Variants in STAG2 observed in about 807,000 individuals in gnomAD.
The protein encoded by STAG2 is cohesin subunit SA-2.
STAG2 carries 14 observed loss-of-function variants against 108.1 expected under a neutral mutation model. The observed-to-expected ratio is 0.13, with a 90% confidence interval of 0.09 to 0.20. The LOEUF (loss-of-function observed/expected upper bound fraction) is 0.20, where lower values mean the gene tolerates loss of function less well. STAG2 is among the 10% of genes least tolerant of loss of function. The probability of loss-of-function intolerance (pLI) is 1.00; values close to 1 mark genes in which losing one functional copy is unlikely to be tolerated. For missense variants in STAG2, 440 were observed against 940.9 expected, an observed-to-expected ratio of 0.47 and a Z score of 6.96; for synonymous variants, 307 against 302.7, an observed-to-expected ratio of 1.01 and a Z score of -0.15.
chrX:124,023,868 T>C (rs1280735269), intron 3 of STAG2, among the ~76,000 whole-genome samples: 3 of 111,446 alleles, frequency 2.7e-5, no homozygotes, highest in African/African-American at 9.8e-5. Flanking sequence ...GGCCCAGCAT[T>C]TGACTGGGTA....
rs901154368 is a variant in STAG2 at position 124,014,984 on chromosome X, T to C, written c.-162-6383T>C. ...GCTTAGTTTGACGTACTTTTCTTTT[T>C]TTTTTTTTTTTTTTTTTTTTGAGAC... On this transcript the variant is annotated intron_variant, in intron 1 of 34. Coordinates refer to ENST00000371145, the MANE Select transcript of STAG2 (RefSeq NM_001042750.2). 1.7e-4 allele frequency among the ~76,000 whole-genome samples: 12 copies of C among 70,565 alleles called. No homozygotes were observed. In the East Asian group the frequency reaches 4.5e-3, roughly 27 times the overall value. The allele number at this position is 70,565 out of a possible 115,157, so 61.3% of individuals were successfully genotyped here.
Position 124,048,206 on chromosome X carries a change from G to C in STAG2, c.819+701G>C, listed in dbSNP as rs144951786. Among the ~76,000 whole-genome samples, 1,048 of 111,206 alleles carry C rather than the reference G, an allele frequency of 9.4e-3. 15 individuals are homozygous for C. The highest frequency in any genetic ancestry group is 0.032 in the African/African-American group (982 of 30,629). On this transcript the variant is annotated intron_variant, in intron 9 of 34. Transcript: ENST00000371145. The stretch of plus-strand genomic sequence containing the variant: ...CCTGATCTTGAATTTTTTTGGGGAG[G>C]GGAATTAGTAGCTAATTTTAAATTG...
intron 1 of STAG2, among the ~76,000 whole-genome samples, chrX:124,016,232 C>A (rs2056722349): frequency 9.0e-6 from 1 of 110,582 alleles, no homozygotes; most frequent in Non-Finnish European, 1.9e-5. Flanking sequence ...CTTGACCTCC[C>A]AGGCTCAAGC....
intron 1 of STAG2, among the ~76,000 whole-genome samples, chrX:123,978,774 A>C (rs2054744523): frequency 8.9e-6 from 1 of 112,181 alleles, no homozygotes; most frequent in Non-Finnish European, 1.9e-5. Flanking sequence ...GGGATGCTCA[A>C]CTGGTAAGTA....
At position 124,065,926 on chromosome X, in the gene STAG2, G is replaced by A. The variant is rs778042166; in HGVS notation, c.2076G>A (p.Lys692=). The A allele has an allele frequency of 8.5e-7, 1 of 1,175,210 alleles. No individual in the cohort carries two copies. Among genetic ancestry groups the A allele is most frequent in the East Asian group, 3.1e-5 (1 of 32,203 alleles). The change falls in exon 21 of 35, where the codon AAG becomes AAA. Residue 692 remains lysine, a synonymous_variant. Coordinates refer to ENST00000371145, the MANE Select transcript of STAG2 (RefSeq NM_001042750.2). Reference sequence around the variant, plus strand: ...CATATCAGGTATTGTCAACATTGAAGAGGATCACTGCTTTTCATAAGTAAG... The same window carrying A: ...CATATCAGGTATTGTCAACATTGAAAAGGATCACTGCTTTTCATAAGTAAG... The part of the protein sequence containing the change: ...DDAYQVLSTL[K]RITAFHNAHD...
At chrX:123,966,491 A>G (rs183817997) in intron 1 of STAG2, among the ~76,000 whole-genome samples, 1 of 110,210 alleles carries the variant, frequency 9.1e-6, no homozygotes, top group African/African-American at 3.3e-5. Context: ...ATTTTTCTGC[A>G]TTGGCTACAT....
intron 1 of STAG2, among the ~76,000 whole-genome samples, chrX:124,019,269 C>T (rs1163964023): frequency 9.1e-6 from 1 of 109,585 alleles, no homozygotes; most frequent in Non-Finnish European, 1.9e-5. Context: ...ACCATGTTAT[C>T]CAGGATGGTC....
chrX:124,044,430 A>T (rs1378492395), intron 7 of STAG2, among the ~76,000 whole-genome samples: 1 of 112,120 alleles, frequency 8.9e-6, no homozygotes, highest in East Asian at 2.8e-4. Flanking sequence ...GTTGACAAAA[A>T]TTAATTTTTA....
At chrX:124,003,667 A>T (rs2056158509) in intron 1 of STAG2, 1 of 109,998 alleles carries the variant, frequency 9.1e-6, no homozygotes, top group Non-Finnish European at 1.9e-5. Flanking sequence ...CAGGTGATCC[A>T]CCCTCCTTGG....
intron 4 of STAG2, among the ~76,000 whole-genome samples, chrX:124,028,794 T>TTATATATATATATA (rs56052834): frequency 1.3e-5 from 1 of 75,040 alleles, no homozygotes; most frequent in African/African-American, 5.8e-5. Context: ...TAAGAATAGT[T>TTATATATATATATA]TATATATATA....
At chrX:124,054,985 T>G (rs1326749394) in intron 13 of STAG2, among the ~76,000 whole-genome samples, 1 of 110,960 alleles carries the variant, frequency 9.0e-6, no homozygotes, top group East Asian at 2.8e-4. Flanking sequence ...CAGCCTAGTC[T>G]CGAACACCTG....
intron 29 of STAG2, among the ~76,000 whole-genome samples, chrX:124,086,096 C>G (rs931447784): frequency 3.7e-5 from 4 of 109,540 alleles, no homozygotes; most frequent in Non-Finnish European, 7.6e-5. Flanking sequence ...TCTTTCGTCA[C>G]CTGTAAAATT....
chrX:124,051,660 A>G (rs1055808124), intron 13 of STAG2, among the ~76,000 whole-genome samples: 65 of 107,960 alleles, frequency 6.0e-4, no homozygotes, highest in African/African-American at 2.0e-3. Flanking sequence ...GTACGATCTC[A>G]GCTCACTGCA....
intron 1 of STAG2, among the ~76,000 whole-genome samples, chrX:124,005,447 C>T (rs892242482): frequency 9.0e-6 from 1 of 111,587 alleles, no homozygotes; most frequent in African/African-American, 3.3e-5. Context: ...CATTTAGTTA[C>T]ACTCACTCCC....
chrX:124,011,629 G>A (rs769029590), intron 1 of STAG2, among the ~76,000 whole-genome samples: 37 of 111,446 alleles, frequency 3.3e-4, no homozygotes, highest in Non-Finnish European at 6.0e-4. Context: ...TTACAGTTAA[G>A]GAGGCTGAGA....
At chrX:124,014,737 ATCT>A (rs927799730) in intron 1 of STAG2, among the ~76,000 whole-genome samples, 1 of 110,565 alleles carries the variant, frequency 9.0e-6, no homozygotes, top group Non-Finnish European at 1.9e-5. Context: ...AGGGTCATTA[ATCT>A]TCTTACATAT....
chrX:124,036,890 T>C (rs2057535278), intron 5 of STAG2, among the ~76,000 whole-genome samples: 1 of 110,941 alleles, frequency 9.0e-6, no homozygotes, highest in African/African-American at 3.3e-5. Flanking sequence ...TTATTTTTAT[T>C]ATTTTTTTTG....
intron 5 of STAG2, among the ~76,000 whole-genome samples, chrX:124,032,465 A>G (rs180890655): frequency 1.6e-3 from 181 of 111,442 alleles, no homozygotes; most frequent in African/African-American, 5.7e-3. Context: ...TAAAAGCTAC[A>G]GGCAATAGTT....
chrX:124,090,160 CAAAAAAAA>C (rs758142487), intron 30 of STAG2, among the ~76,000 whole-genome samples: 336 of 28,403 alleles, frequency 0.012, 5 homozygotes, highest in South Asian at 0.033. Flanking sequence ...GACTCTGTCT[CAAAAAAAA>C]AAAAAAAAAA....
Sources: allele counts gnomAD v4.1 joint callset (sites outside exome capture counted in the v4.1 genomes callset), GRCh38; gene constraint gnomAD v4.1.1; transcripts MANE v1.5; gene names NCBI Gene and HGNC (gene_info 2026-07-23, HGNC 2026-07-21).